The following PCDHGB2 variants were observed in gnomAD, a reference collection of about 807,000 sequenced individuals.
The protein encoded by PCDHGB2 is protocadherin gamma subfamily B, 2, also known as protocadherin gamma-B2.
A neutral mutation model predicts 59.3 loss-of-function variants in PCDHGB2; 55 were observed. The ratio of observed to expected loss-of-function variants is 0.93; its 90% CI spans 0.75 to 1.16. The LOEUF is 1.16. Ranked by LOEUF, PCDHGB2 falls within the 50% of genes most tolerant of loss-of-function variation. PCDHGB2 has a pLI of 0.00. For missense variants in PCDHGB2, 1,228 were observed against 1,198.5 expected, an observed-to-expected ratio of 1.02 and a Z score of -0.36; for synonymous variants, 516 against 512.0, an observed-to-expected ratio of 1.01 and a Z score of -0.11.
At chr5:141,433,398 T>TCTAC (rs1487149690) in intron 1 of PCDHGB2, among the ~76,000 whole-genome samples, 2 of 151,396 alleles carry the variant, frequency 1.3e-5, no homozygotes, top group Non-Finnish European at 2.9e-5. Context: ...TATCTATCTA[T>TCTAC]CTATCTATTA....
Position 141,511,229 on chromosome 5 carries a change from T to G in PCDHGB2, c.*56T>G. 6.3e-7 allele frequency: 1 copy of G among 1,598,500 alleles called. No homozygotes were observed. Among genetic ancestry groups the G allele is most frequent in the Non-Finnish European group, 8.5e-7 (1 of 1,172,476 alleles). On this transcript the variant is annotated 3_prime_UTR_variant, in exon 4 of 4. Transcript: ENST00000522605. ...GCCTCTCCCCAACCAGCCCAGCTTC[T>G]CCTTACCTGCACCCAGGCCTCAGAG...
chr5:141,401,394 T>C (rs1444370873), intron 1 of PCDHGB2, among the ~76,000 whole-genome samples: 1 of 152,158 alleles, frequency 6.6e-6, no homozygotes, highest in Non-Finnish European at 1.5e-5. Context: ...CTACATGTTA[T>C]GTGTATGAGA....
chr5:141,465,979 G>A (rs779605313), intron 1 of PCDHGB2, among the ~76,000 whole-genome samples: 9 of 151,846 alleles, frequency 5.9e-5, no homozygotes, highest in Non-Finnish European at 1.3e-4. Flanking sequence ...AAAATTAGCC[G>A]GGCATGGTGG....
rs752155536 is a variant in PCDHGB2, at chr5:141,477,181, C to T, written c.2422-17626C>T. The T allele has an allele frequency of 2.5e-6, 4 of 1,614,182 alleles. No individual in the cohort carries two copies. In the Admixed American group the frequency reaches 6.7e-5, roughly 27 times the overall value. ...ACAACGCCCCGGAGATCACAGTCACCTCCGTGTACAGCCCAGTACCCGAGG... is the reference window on the plus strand; with the variant it reads ...ACAACGCCCCGGAGATCACAGTCACTTCCGTGTACAGCCCAGTACCCGAGG... On this transcript the variant is annotated intron_variant, in intron 1 of 3. Transcript: ENST00000522605. This position sits in a 1 kb window ranked among gnomAD's most constrained non-coding sequence, Gnocchi z 4.9.
chr5:141,404,919 C>T, intron 1 of PCDHGB2: 1 of 1,613,924 alleles, frequency 6.2e-7, no homozygotes, highest in Non-Finnish European at 8.5e-7. Context: ...CCTCTCTCGG[C>T]CACTGTCACG....
At chr5:141,423,797 C>A in intron 1 of PCDHGB2, 2 of 1,249,164 alleles carry the variant, frequency 1.6e-6, no homozygotes, top group African/African-American at 1.6e-5. Flanking sequence ...ATATTTAGAG[C>A]AATACATGTG....
At chr5:141,404,234 G>C (rs2094500908) in intron 1 of PCDHGB2, 1 of 1,613,652 alleles carries the variant, frequency 6.2e-7, no homozygotes, top group South Asian at 1.1e-5. Flanking sequence ...AACAGACAGA[G>C]GAACTCCGCC....
At chr5:141,418,171 G>A (rs2096234086) in intron 1 of PCDHGB2, 1 of 1,613,952 alleles carries the variant, frequency 6.2e-7, no homozygotes, top group African/African-American at 1.3e-5. Flanking sequence ...GATGTGAGTT[G>A]CAATTGGAAG....
intron 1 of PCDHGB2, chr5:141,407,897 A>T (rs1178644193): frequency 4.9e-6 from 2 of 405,126 alleles, no homozygotes; most frequent in African/African-American, 4.1e-5. Context: ...CCGAATTCAA[A>T]ATGAAAAACC....
intron 1 of PCDHGB2, among the ~76,000 whole-genome samples, chr5:141,368,024 A>G (rs948491194): frequency 6.6e-6 from 1 of 152,204 alleles, no homozygotes; most frequent in Admixed American, 6.5e-5. Context: ...TGTGCCTCAA[A>G]TTCCAGGAGG....
rs1458508114 is a variant in PCDHGB2, at chr5:141,489,523, C to T, written c.2422-5284C>T. ...GAATCAAAAGATTGACCGAGAAAGC[C>T]TATGTGGAGCCAGCACCAGCTGCCT... On this transcript the variant is annotated intron_variant, in intron 1 of 3. Transcript: ENST00000522605. This position sits in a 1 kb window ranked among gnomAD's most constrained non-coding sequence, Gnocchi z 4.5. The T allele has an allele frequency of 3.5e-5, 56 of 1,614,006 alleles. No homozygotes were observed. The highest frequency in any genetic ancestry group is 4.5e-5 in the Non-Finnish European group (53 of 1,180,044).
intron 2 of PCDHGB2, 164 bp downstream of exon 2, chr5:141,495,029 G>A: frequency 2.1e-6 from 2 of 968,864 alleles, no homozygotes; most frequent in Non-Finnish European, 2.5e-6. Flanking sequence ...ACAGACCCCG[G>A]AAGGAAGAGG....
At chr5:141,372,726 C>G (rs748651265) in intron 1 of PCDHGB2, 2 of 1,613,836 alleles carry the variant, frequency 1.2e-6, no homozygotes, top group South Asian at 2.2e-5. Flanking sequence ...TGCTGCACCA[C>G]AAGATCTTCT....
At chr5:141,504,206 A>G (rs1209911822) in intron 2 of PCDHGB2, among the ~76,000 whole-genome samples, 1 of 152,218 alleles carries the variant, frequency 6.6e-6, no homozygotes, top group African/African-American at 2.4e-5. Flanking sequence ...CTGTGGGAAA[A>G]TTCCAAGTAG....
intron 2 of PCDHGB2, among the ~76,000 whole-genome samples, chr5:141,502,048 ACTTTATTCC>A (rs1055762924): frequency 6.6e-5 from 10 of 151,746 alleles, no homozygotes; most frequent in African/African-American, 2.4e-4. Context: ...TGCTCTCCCT[ACTTTATTCC>A]CATTAGCCCC....
intron 1 of PCDHGB2, among the ~76,000 whole-genome samples, chr5:141,474,311 G>T (rs1374954373): frequency 1.3e-5 from 2 of 152,134 alleles, no homozygotes. Context: ...AAACTTTAAT[G>T]TGTTTTCAAA....
chr5:141,400,322 G>T lies in PCDHGB2; in HGVS notation c.2421+37766G>T, dbSNP rs1025265322. The stretch of plus-strand genomic sequence containing the variant: ...CAACCTGGTCTCTGTGTCAAGTCTG[G>T]ACCTGTGGTTCCCCCCAACTACAGT... On this transcript the variant is annotated intron_variant, in intron 1 of 3. Transcript: ENST00000522605. 1.9e-6 allele frequency: 3 copies of T among 1,613,952 alleles called. No homozygotes were observed. In the African/African-American group the frequency reaches 4.0e-5, roughly 22 times the overall value.
chr5:141,489,080 C>CCCA lies in PCDHGB2; in HGVS notation c.2422-5727_2422-5726insCCA. On this transcript the variant is annotated intron_variant, in intron 1 of 3. Coordinates refer to ENST00000522605, the MANE Select transcript of PCDHGB2 (RefSeq NM_018923.3). This position sits in a 1 kb window ranked among gnomAD's most constrained non-coding sequence, Gnocchi z 4.5. ...TCCCCTCCCCCCTGCCCACCCCCGC[C>CCCA]ACTCGGTGACTAAGAACTGCTGCAA... 3.0e-6 allele frequency: 1 copy of CCCA among 336,172 alleles called. No individual in the cohort carries two copies. The highest frequency in any genetic ancestry group is 5.5e-5 in the East Asian group (1 of 18,342). 20.8% of individuals were successfully genotyped at this position (336,172 alleles called of 1,614,324 possible).
chr5:141,398,855 A>C, intron 1 of PCDHGB2: 1 of 1,613,970 alleles, frequency 6.2e-7, no homozygotes, highest in Non-Finnish European at 8.5e-7. Context: ...CCGGTATTCA[A>C]CCGAGACGTG....
Sources: allele counts gnomAD v4.1 joint callset (sites outside exome capture counted in the v4.1 genomes callset), GRCh38; gene constraint gnomAD v4.1.1; non-coding constraint Gnocchi (gnomAD v3.1); transcripts MANE v1.5; gene names NCBI Gene and HGNC (gene_info 2026-07-23, HGNC 2026-07-21).